SDC2: variants seen among roughly 807,000 people sequenced by gnomAD.
SDC2 encodes the protein syndecan 2, also known as syndecan-2.
A neutral mutation model predicts 22.2 loss-of-function variants in SDC2; 13 were observed. The observed-to-expected ratio is 0.59, with a 90% confidence interval of 0.38 to 0.93. The LOEUF is 0.93. SDC2 is among the 40% of genes least tolerant of loss of function. SDC2 has a pLI of 0.00. For synonymous variants in SDC2, 94 were observed against 92.8 expected (o/e 1.01, Z -0.07); for missense variants, 235 against 246.8 (o/e 0.95, Z 0.32).
intron 1 of SDC2, among the ~76,000 whole-genome samples, chr8:96,502,737 T>C (rs1314205494): frequency 6.6e-6 from 1 of 152,214 alleles, no homozygotes; most frequent in African/African-American, 2.4e-5. Flanking sequence ...GCAAGTTTTT[T>C]AACCTTCTGG....
At chr8:96,537,586 A>T (rs1813774175) in intron 1 of SDC2, among the ~76,000 whole-genome samples, 1 of 152,220 alleles carries the variant, frequency 6.6e-6, no homozygotes, top group East Asian at 1.9e-4. Flanking sequence ...ACTGCATAGA[A>T]ATCAATGACT....
chr8:96,510,528 G>T (rs1046404639), intron 1 of SDC2, among the ~76,000 whole-genome samples: 15 of 152,144 alleles, frequency 9.9e-5, no homozygotes, highest in Non-Finnish European at 1.9e-4. Flanking sequence ...TTGAATAAAA[G>T]GGTCTATCTT....
At chr8:96,562,382 G>A (rs1814224170) in intron 1 of SDC2, among the ~76,000 whole-genome samples, 1 of 152,154 alleles carries the variant, frequency 6.6e-6, no homozygotes, top group African/African-American at 2.4e-5. Flanking sequence ...TTTCCCTGGG[G>A]CTGCCTCCCC....
At chr8:96,538,552 G>T (rs1462608361) in intron 1 of SDC2, 1 of 151,968 alleles carries the variant, frequency 6.6e-6, no homozygotes, top group Non-Finnish European at 1.5e-5. Flanking sequence ...CTTTTAAATT[G>T]TGTTAAAAAA....
At chr8:96,556,960 C>T (rs1181439519) in intron 1 of SDC2, among the ~76,000 whole-genome samples, 22 of 150,704 alleles carry the variant, frequency 1.5e-4, no homozygotes, top group South Asian at 1.3e-3. Context: ...AAAAAGTGGG[C>T]GAAGGACATG....
At chr8:96,551,698 T>A (rs1365996242) in intron 1 of SDC2, among the ~76,000 whole-genome samples, 1 of 152,162 alleles carries the variant, frequency 6.6e-6, no homozygotes, top group African/African-American at 2.4e-5. Flanking sequence ...TTTAATCATT[T>A]ATGAGAGTAG....
At chr8:96,538,404 AT>A (rs2130505122) in intron 1 of SDC2, among the ~76,000 whole-genome samples, 1 of 97,742 alleles carries the variant, frequency 1.0e-5, no homozygotes, top group African/African-American at 2.8e-5. Context: ...AGTACTAAAG[AT>A]AAAAAAAAGT....
intron 2 of SDC2, among the ~76,000 whole-genome samples, chr8:96,597,479 C>T (rs1471458362): frequency 6.6e-6 from 1 of 152,212 alleles, no homozygotes; most frequent in African/African-American, 2.4e-5. Flanking sequence ...GTGTTTCCCT[C>T]TTCAATATAA....
intron 1 of SDC2, among the ~76,000 whole-genome samples, chr8:96,585,853 GTTTTTTTTTTTTT>G (rs199970598): frequency 2.1e-5 from 3 of 145,486 alleles, no homozygotes; most frequent in South Asian, 2.2e-4. Context: ...CTGGCAAGAG[GTTTTTTTTTTTTT>G]TTTTTTTTTT....
chr8:96,519,920 G>T (rs147123617), intron 1 of SDC2, among the ~76,000 whole-genome samples: 1,617 of 152,268 alleles, frequency 0.011, 33 homozygotes, highest in African/African-American at 0.036. Context: ...GAGCCACCAC[G>T]CTCGGCGTTA....
At chr8:96,556,788 C>T (rs1449874474) in intron 1 of SDC2, among the ~76,000 whole-genome samples, 5 of 150,700 alleles carry the variant, frequency 3.3e-5, no homozygotes, top group Non-Finnish European at 7.5e-5. Context: ...TCTAATTAAA[C>T]TAAAGAGCTT....
chr8:96,603,334 C>T (rs1815024777), intron 3 of SDC2, among the ~76,000 whole-genome samples: 1 of 152,170 alleles, frequency 6.6e-6, no homozygotes, highest in African/African-American at 2.4e-5. Flanking sequence ...ACCTAGTCAC[C>T]ATTCTGTAAG....
Position 96,602,404 on chromosome 8 carries a change from A to G in SDC2, c.182A>G (p.Glu61Gly). The part of the protein sequence containing the change: ...YASASGSGAD[E>G]DVESPELTTS... ...TCACTTACTTTTCCAGGAGCTGATG[A>G]GGATGTAGAGAGTCCAGAGCTGACA... Residue 61 changes from glutamate to glycine, a missense_variant, in exon 3 of 5, where the codon GAG (glutamate) becomes GGG (glycine). By Grantham distance (98) the Glu-to-Gly change is moderately conservative. Coordinates refer to ENST00000302190, the MANE Select transcript of SDC2 (RefSeq NM_002998.4). 1 of 1,613,704 alleles carries G rather than the reference A, an allele frequency of 6.2e-7. No individual in the cohort carries two copies. Among genetic ancestry groups the G allele is most frequent in the East Asian group, 2.2e-5 (1 of 44,872 alleles).
intron 1 of SDC2, among the ~76,000 whole-genome samples, chr8:96,511,502 G>GT (rs1383608645): frequency 3.3e-5 from 5 of 152,182 alleles, no homozygotes; most frequent in Non-Finnish European, 7.3e-5. Flanking sequence ...AGTTTCCTTT[G>GT]TAGAAGCCAG....
chr8:96,526,216 T>C (rs1813575836), intron 1 of SDC2, among the ~76,000 whole-genome samples: 1 of 152,238 alleles, frequency 6.6e-6, no homozygotes, highest in African/African-American at 2.4e-5. Flanking sequence ...GTTAGAATTC[T>C]ATGAATATGT....
intron 1 of SDC2, among the ~76,000 whole-genome samples, chr8:96,560,736 A>G (rs543187181): frequency 9.9e-5 from 15 of 152,182 alleles, no homozygotes; most frequent in Non-Finnish European, 2.2e-4. Context: ...TTCCAAAAAA[A>G]AAAAATCAAG....
chr8:96,583,390 ATATGTG>A lies in SDC2; in HGVS notation c.61-10088_61-10083del, dbSNP rs1459579295. ...ATATCATATATAAAATATATATGAC[ATATGTG>A]TGTGTGTGTGTGTGTGTCTTGTGTT... is the stretch of plus-strand genomic sequence containing the variant. On this transcript the variant is annotated intron_variant, in intron 1 of 4. Transcript: ENST00000302190. Among the ~76,000 whole-genome samples the A allele has an allele frequency of 3.3e-4, 10 of 30,740 alleles. No homozygotes were observed. The South Asian group carries it at 4.6e-3, about 14-fold the overall frequency. 20.2% of individuals were successfully genotyped at this position (30,740 alleles called of 152,430 possible). A position where few individuals can be genotyped will look rare whatever the true frequency, so the allele number is the denominator to read the frequency against.
At chr8:96,603,305 A>G (rs563538992) in intron 3 of SDC2, among the ~76,000 whole-genome samples, 3 of 152,346 alleles carry the variant, frequency 2.0e-5, no homozygotes, top group South Asian at 4.1e-4. Context: ...ATGTGAGTGC[A>G]TGTAGCATGG....
At chr8:96,502,287 G>A (rs534142622) in intron 1 of SDC2, among the ~76,000 whole-genome samples, 126 of 152,184 alleles carry the variant, frequency 8.3e-4, no homozygotes, top group African/African-American at 2.7e-3. Context: ...AGGGGAAACC[G>A]CCCCCATGTT....
Sources: allele counts gnomAD v4.1 joint callset (sites outside exome capture counted in the v4.1 genomes callset), GRCh38; gene constraint gnomAD v4.1.1; transcripts MANE v1.5; gene names NCBI Gene and HGNC (gene_info 2026-07-23, HGNC 2026-07-21).